The following NEDD4L variants were observed in gnomAD, a reference collection of about 807,000 sequenced individuals.
The protein encoded by NEDD4L is E3 ubiquitin-protein ligase NEDD4-like.
In NEDD4L, 54 loss-of-function variants were observed where a neutral mutation model predicts 148.9. That is an observed-to-expected ratio of 0.36 (90% CI 0.29 to 0.45). NEDD4L has a LOEUF of 0.45. NEDD4L is among the 20% of genes least tolerant of loss of function. NEDD4L has a pLI of 1.00. For synonymous variants in NEDD4L, 433 were observed against 440.7 expected, an observed-to-expected ratio of 0.98 and a Z score of 0.22; for missense variants, 856 against 1,233.8, an observed-to-expected ratio of 0.69 and a Z score of 4.59.
intron 1 of NEDD4L, among the ~76,000 whole-genome samples, chr18:58,087,330 C>T (rs1329257130): frequency 6.6e-6 from 1 of 152,202 alleles, no homozygotes; most frequent in Non-Finnish European, 1.5e-5. Context: ...CCTCTCTACA[C>T]CATCATCCAC....
intron 1 of NEDD4L, among the ~76,000 whole-genome samples, chr18:58,112,854 C>T (rs937849173): frequency 2.6e-5 from 4 of 152,280 alleles, no homozygotes; most frequent in African/African-American, 9.6e-5. Context: ...TGAATATTTG[C>T]ATCCTAAACC....
intron 1 of NEDD4L, among the ~76,000 whole-genome samples, chr18:58,072,407 G>A (rs1045233622): frequency 1.7e-4 from 26 of 151,948 alleles, no homozygotes; most frequent in African/African-American, 6.3e-4. Context: ...TTTATCCCAG[G>A]AACAAAAACT....
intron 9 of NEDD4L, among the ~76,000 whole-genome samples, chr18:58,326,256 C>T (rs888019197): frequency 2.0e-5 from 3 of 152,156 alleles, no homozygotes; most frequent in Non-Finnish European, 4.4e-5. Context: ...AGCCTGTCTT[C>T]TCTGAGCCCC....
intron 5 of NEDD4L, 150 bp downstream of exon 5, chr18:58,252,204 G>A: frequency 1.5e-6 from 1 of 664,206 alleles, no homozygotes; most frequent in East Asian, 2.7e-5. Flanking sequence ...CGAGTTTGAT[G>A]TTCAAAATCC....
chr18:58,357,918 G>A (rs1188316252), intron 19 of NEDD4L, among the ~76,000 whole-genome samples: 1 of 152,150 alleles, frequency 6.6e-6, no homozygotes, highest in Non-Finnish European at 1.5e-5. Context: ...TCTGTAGAAT[G>A]GGACCACACT....
intron 24 of NEDD4L, among the ~76,000 whole-genome samples, chr18:58,382,645 T>C (rs2048495418): frequency 6.6e-6 from 1 of 152,200 alleles, no homozygotes; most frequent in East Asian, 1.9e-4. Flanking sequence ...CTGCCCTGAT[T>C]GCAGCTGCTT....
Position 58,256,125 on chromosome 18 carries a change from C to CT in NEDD4L, c.297+4071_297+4072insT. On this transcript the variant is annotated intron_variant, in intron 5 of 30. Transcript: ENST00000400345. The surrounding 1 kb of genome is among the most constrained non-coding windows in gnomAD (Gnocchi z 5.2). ...TCCCCTCCGAGGGCAGCCCGGGACCCAGGGCTCCAGGTCAACGGCACGTGC... is the reference window on the plus strand; with the variant it reads ...TCCCCTCCGAGGGCAGCCCGGGACCCTAGGGCTCCAGGTCAACGGCACGTGC... The CT allele has an allele frequency of 8.2e-7, 1 of 1,225,834 alleles. No homozygotes were observed. The highest frequency in any genetic ancestry group is 1.0e-6 in the Non-Finnish European group (1 of 984,216). 75.9% of individuals were successfully genotyped at this position (1,225,834 alleles called of 1,614,324 possible). A position where few individuals can be genotyped will look rare whatever the true frequency, so the allele number is the denominator to read the frequency against.
At chr18:58,203,954 A>G (rs1402931074) in intron 2 of NEDD4L, among the ~76,000 whole-genome samples, 2 of 152,230 alleles carry the variant, frequency 1.3e-5, no homozygotes, top group African/African-American at 4.8e-5. Flanking sequence ...CTGCTGTGAA[A>G]AAGCCACTGC....
At chr18:58,275,125 ATAACT>A (rs1253472911) in intron 5 of NEDD4L, among the ~76,000 whole-genome samples, 1 of 152,264 alleles carries the variant, frequency 6.6e-6, no homozygotes, top group Admixed American at 6.5e-5. Context: ...AGCCTTACTG[ATAACT>A]TAAACAGTTG....
rs2048594712 is a variant in NEDD4L at position 58,383,398 on chromosome 18, T to C, written c.2426+79T>C. 1.2e-5 allele frequency: 10 copies of C among 802,532 alleles called. No homozygotes were observed. In the South Asian group the frequency reaches 1.6e-4, roughly 13 times the overall value. The allele number at this position is 802,532 out of a possible 1,614,324, so 49.7% of individuals were successfully genotyped here. ...GGTCACTGTCCCTTGCTGAAACAGCTCATGCATTTATTATGGGCATGAGTT... is the reference window on the plus strand; with the variant it reads ...GGTCACTGTCCCTTGCTGAAACAGCCCATGCATTTATTATGGGCATGAGTT... On this transcript the variant is annotated intron_variant, in intron 25 of 30. Coordinates refer to ENST00000400345, the MANE Select transcript of NEDD4L (RefSeq NM_001144967.3).
intron 1 of NEDD4L, among the ~76,000 whole-genome samples, chr18:58,059,107 C>G (rs7237429): frequency 0.076 from 11,527 of 151,784 alleles, 533 homozygotes; most frequent in African/African-American, 0.13. Flanking sequence ...TCTTTTTTTT[C>G]CTTAAGAGAT....
At chr18:58,219,589 T>G (rs1161674501) in intron 2 of NEDD4L, among the ~76,000 whole-genome samples, 5 of 124,908 alleles carry the variant, frequency 4.0e-5, no homozygotes, top group Non-Finnish European at 8.4e-5. Context: ...CTTCTTGACT[T>G]GCAGATGCTC....
At chr18:58,072,423 CACCAT>C (rs2082914573) in intron 1 of NEDD4L, among the ~76,000 whole-genome samples, 1 of 152,144 alleles carries the variant, frequency 6.6e-6, no homozygotes, top group Admixed American at 6.5e-5. Flanking sequence ...AAACTTGGTT[CACCAT>C]ACCAAAACCA....
chr18:58,051,774 A>G (rs1239459332), intron 1 of NEDD4L, among the ~76,000 whole-genome samples: 2 of 152,192 alleles, frequency 1.3e-5, no homozygotes, highest in South Asian at 2.1e-4. Context: ...AAAGCAAACT[A>G]TATGTTGATC....
At chr18:58,123,453 T>G (rs1047112350) in intron 1 of NEDD4L, among the ~76,000 whole-genome samples, 11 of 152,164 alleles carry the variant, frequency 7.2e-5, no homozygotes, top group African/African-American at 2.4e-4. Context: ...CTCAGGGGAC[T>G]TTGCTGTAGC....
intron 1 of NEDD4L, among the ~76,000 whole-genome samples, chr18:58,106,054 T>C (rs1350515580): frequency 2.0e-5 from 3 of 152,240 alleles, no homozygotes; most frequent in Non-Finnish European, 4.4e-5. Context: ...GAAAGATCAT[T>C]CTTGGGCAGG....
At chr18:58,058,724 G>C (rs1942563) in intron 1 of NEDD4L, among the ~76,000 whole-genome samples, 122,973 of 152,158 alleles carry the variant, frequency 0.81, 50,260 homozygotes, top group East Asian at 1. Flanking sequence ...ATTTAAGAGT[G>C]AGCTCAGAGG....
intron 5 of NEDD4L, chr18:58,255,930 G>C: frequency 8.1e-7 from 1 of 1,231,314 alleles, no homozygotes; most frequent in Non-Finnish European, 1.0e-6. Context: ...TCCCTGCAGC[G>C]CAAGGCCACG....
intron 2 of NEDD4L, among the ~76,000 whole-genome samples, chr18:58,227,526 GT>G (rs1257507404): frequency 6.6e-6 from 1 of 152,184 alleles, no homozygotes; most frequent in Non-Finnish European, 1.5e-5. Flanking sequence ...TCTTAGGACT[GT>G]GCGGTCAGTC....
Sources: gnomAD v4.1 joint callset for allele counts (sites outside exome capture counted in the v4.1 genomes callset) on GRCh38, gnomAD v4.1.1 for gene constraint, Gnocchi (gnomAD v3.1) non-coding constraint, MANE v1.5 for transcripts, NCBI Gene and HGNC (gene_info 2026-07-23, HGNC 2026-07-21) for gene names.